NRP1: variants seen among roughly 807,000 people sequenced by gnomAD.
The protein encoded by NRP1 is neuropilin-1.
NRP1 carries 35 observed loss-of-function variants against 106.7 expected under a neutral mutation model. That is an observed-to-expected ratio of 0.33 (90% CI 0.25 to 0.43). NRP1 has a LOEUF of 0.43. NRP1 is among the 20% of genes least tolerant of loss of function. The pLI, the probability that NRP1 is intolerant of heterozygous loss-of-function variation, is 1.00. For missense variants in NRP1, 1,024 were observed against 1,170.4 expected, an observed-to-expected ratio of 0.87 and a Z score of 1.83; for synonymous variants, 437 against 417.9, an observed-to-expected ratio of 1.05 and a Z score of -0.56.
intron 2 of NRP1, among the ~76,000 whole-genome samples, chr10:33,314,062 C>T (rs1369410150): frequency 6.3e-5 from 6 of 94,832 alleles, no homozygotes; most frequent in African/African-American, 1.3e-4. Context: ...TTCTATTCCT[C>T]CCTCCCTCCC....
chr10:33,278,787 C>G (rs1423903540), intron 2 of NRP1, among the ~76,000 whole-genome samples: 1 of 152,116 alleles, frequency 6.6e-6, no homozygotes, highest in Non-Finnish European at 1.5e-5. Context: ...CAAAGCTAAT[C>G]TCACACATTA....
intron 3 of NRP1, among the ~76,000 whole-genome samples, chr10:33,266,371 C>T (rs892411171): frequency 2.6e-5 from 4 of 152,140 alleles, no homozygotes; most frequent in Admixed American, 6.5e-5. Context: ...TTCACTCACC[C>T]GCTGTGTAAA....
At position 33,179,818 on chromosome 10, in the gene NRP1, T is replaced by A; in HGVS notation, c.*258A>T. ...GGGTCGAAATGAATGATTATGTCAATCATACTTGGTCTCAACACCAGCATC... is the reference window on the plus strand; with the variant it reads ...GGGTCGAAATGAATGATTATGTCAAACATACTTGGTCTCAACACCAGCATC... On this transcript the variant is annotated 3_prime_UTR_variant, in exon 17 of 17. Transcript: ENST00000374867. The A allele has an allele frequency of 2.1e-6, 1 of 473,432 alleles. No individual in the cohort carries two copies. 29.3% of individuals were successfully genotyped at this position (473,432 alleles called of 1,614,324 possible). A position where few individuals can be genotyped will look rare whatever the true frequency, so the allele number is the denominator to read the frequency against.
chr10:33,322,211 T>C (rs1362019797), intron 2 of NRP1, among the ~76,000 whole-genome samples: 1 of 152,120 alleles, frequency 6.6e-6, no homozygotes, highest in Admixed American at 6.6e-5. Context: ...CTTTTACCAA[T>C]TGAACAGATC....
chr10:33,213,070 GT>G (rs919074692), intron 9 of NRP1: 2 of 631,192 alleles, frequency 3.2e-6, no homozygotes, highest in African/African-American at 3.7e-5. Context: ...TCTGCAAGGG[GT>G]TCTGAGCGCT....
At chr10:33,245,535 C>CA (rs770179814) in intron 6 of NRP1, among the ~76,000 whole-genome samples, 3 of 152,202 alleles carry the variant, frequency 2.0e-5, no homozygotes, top group Non-Finnish European at 4.4e-5. Flanking sequence ...TGCCAGTCAG[C>CA]AAATAAGTAG....
At chr10:33,277,486 C>G (rs1843790841) in intron 2 of NRP1, among the ~76,000 whole-genome samples, 1 of 152,038 alleles carries the variant, frequency 6.6e-6, no homozygotes, top group South Asian at 2.1e-4. Flanking sequence ...TGACCACCAC[C>G]AGCGCTGCCA....
At chr10:33,194,725 CT>C in intron 12 of NRP1, 1 of 526,380 alleles carries the variant, frequency 1.9e-6, no homozygotes, top group Admixed American at 2.0e-5. Flanking sequence ...AGATCAATGC[CT>C]TTTGTTGGGG....
chr10:33,268,489 A>G lies in NRP1; in HGVS notation c.430+2186T>C, dbSNP rs867894403. On this transcript the variant is annotated intron_variant, in intron 3 of 16. Coordinates refer to ENST00000374867, the MANE Select transcript of NRP1 (RefSeq NM_003873.7). ...ACAAAAGAAGACTTCAAGTCTGAAG[A>G]ATGGGCTTGGAGAGCAGGATAGGAA... Among the ~76,000 whole-genome samples, 12 of 152,332 alleles carry G rather than the reference A, an allele frequency of 7.9e-5. No homozygotes were observed. The South Asian group carries it at 1.7e-3, about 21-fold the overall frequency.
In NRP1 at chr10:33,213,467, G is replaced by C. The variant is rs1402043333; in HGVS notation, c.1533C>G (p.Phe511Leu). 1.2e-6 allele frequency: 2 copies of C among 1,613,950 alleles called. No individual in the cohort carries two copies. The highest frequency in any genetic ancestry group is 8.5e-7 in the Non-Finnish European group (1 of 1,180,008). The change falls in exon 9 of 17, where the codon TTC (phenylalanine) becomes TTG (leucine). Residue 511 changes from phenylalanine to leucine, a missense_variant. By Grantham distance (22) the Phe-to-Leu change is conservative (BLOSUM62 0). This residue lies in a region of NRP1 where 562 missense variants were observed against 620.3 expected (regional missense o/e 0.91). Transcript: ENST00000374867. ...TGTACCCGATCTTGAACTTCCTCAT[G>C]AACACCTTGTTCTCTCGGTGCTTCC... ...QGGKHRENKV[F>L]MRKFKIGYSN...
chr10:33,247,833 T>G (rs1344585222), intron 6 of NRP1, among the ~76,000 whole-genome samples: 1 of 152,144 alleles, frequency 6.6e-6, no homozygotes, highest in African/African-American at 2.4e-5. Context: ...CCACGTCCAT[T>G]GTGTAAGACC....
At position 33,221,789 on chromosome 10, in the gene NRP1, G is replaced by A; in HGVS notation, c.1212C>T (p.Val404=). 1 of 1,614,070 alleles carries A rather than the reference G, an allele frequency of 6.2e-7. No individual in the cohort carries two copies. The highest frequency in any genetic ancestry group is 1.3e-5 in the African/African-American group (1 of 75,036). ...TTTCCCAAGTTGCAGGCTTGATTCG[G>A]ACAAATCGAGTTATCAGTGGTTTGG... ...VFPKPLITRF[V]RIKPATWETG... The change falls in exon 8 of 17, where the codon GTC becomes GTT. Residue 404 remains valine, a synonymous_variant. Transcript: ENST00000374867.
chr10:33,247,765 C>T (rs903167290), intron 6 of NRP1, among the ~76,000 whole-genome samples: 50 of 152,168 alleles, frequency 3.3e-4, no homozygotes, highest in African/African-American at 1.2e-3. Flanking sequence ...GCGCTGGCCA[C>T]GGTTTGACTT....
rs1052865453 is a variant in NRP1 at position 33,276,265 on chromosome 10, AAACAAC to A, written c.249-5415_249-5410del. On this transcript the variant is annotated intron_variant, in intron 2 of 16. Transcript: ENST00000374867. The stretch of plus-strand genomic sequence containing the variant: ...TTGCCTTATTTTCCATTTGTTGATA[AAACAAC>A]AACAACAACAACACTATCTTGGAAG... Among the ~76,000 whole-genome samples the A allele has an allele frequency of 3.9e-5, 6 of 152,270 alleles. No individual in the cohort carries two copies. In the East Asian group the frequency reaches 1.2e-3, roughly 29 times the overall value.
chr10:33,244,948 A>G lies in NRP1; in HGVS notation c.981+9080T>C, dbSNP rs544443551. ...AGTGCATTTTGAGACCCAATTGTACAGGCTTCTAAAATAACATCTGTATTT... is the reference window on the plus strand; with the variant it reads ...AGTGCATTTTGAGACCCAATTGTACGGGCTTCTAAAATAACATCTGTATTT... On this transcript the variant is annotated intron_variant, in intron 6 of 16. Transcript: ENST00000374867. 1.2e-4 allele frequency among the ~76,000 whole-genome samples: 18 copies of G among 152,352 alleles called. No homozygotes were observed. In the South Asian group the frequency reaches 2.9e-3, roughly 25 times the overall value.
At position 33,321,036 on chromosome 10, in the gene NRP1, G is replaced by C. The variant is rs1847466084; in HGVS notation, c.248+9672C>G. On this transcript the variant is annotated intron_variant, in intron 2 of 16. Coordinates refer to ENST00000374867, the MANE Select transcript of NRP1 (RefSeq NM_003873.7). ...GAGTCTCGCTGTGATGTCCCGGCTA[G>C]AGTGCAATGGCCTGATCTTGGCTCA... Among the ~76,000 whole-genome samples, 4 of 152,180 alleles carry C rather than the reference G, an allele frequency of 2.6e-5. No homozygotes were observed. The South Asian group carries it at 8.3e-4, about 32-fold the overall frequency.
In NRP1 at chr10:33,180,032, C is replaced by T. The variant is rs751216542; in HGVS notation, c.*44G>A. ...AACAGCTCCCCAGCTCACTCCCGTCCTTCCACTTCCGTCCTTTGACTGTCT... is the reference window on the plus strand; with the variant it reads ...AACAGCTCCCCAGCTCACTCCCGTCTTTCCACTTCCGTCCTTTGACTGTCT... On this transcript the variant is annotated 3_prime_UTR_variant, in exon 17 of 17. Transcript: ENST00000374867. The T allele has an allele frequency of 4.4e-6, 7 of 1,589,024 alleles. No homozygotes were observed. Among genetic ancestry groups the T allele is most frequent in the East Asian group, 2.2e-5 (1 of 44,734 alleles).
Position 33,254,096 on chromosome 10 carries a change from G to A in NRP1, c.913C>T (p.Arg305Cys), listed in dbSNP as rs774889924. ...TTCTCAGGGTAGTTCAGGCGGGAGC[G>A]CTCTGCAGACCAGTTGGTGCTATAC... ...SQYSTNWSAE[R>C]SRLNYPENGW... The change falls in exon 6 of 17, where the codon CGC (arginine) becomes TGC (cysteine). Residue 305 changes from arginine (R) to cysteine (C), a missense_variant. Around this residue, in one of 5 missense-constraint regions of NRP1, gnomAD observed 562 missense variants for 620.3 expected, o/e 0.91. Coordinates refer to ENST00000374867, the MANE Select transcript of NRP1 (RefSeq NM_003873.7). 8 of 1,613,908 alleles carry A rather than the reference G, an allele frequency of 5.0e-6. No homozygotes were observed. Among genetic ancestry groups the A allele is most frequent in the Middle Eastern group, 1.7e-4 (1 of 5,990 alleles).
At chr10:33,298,612 C>T (rs1845582684) in intron 2 of NRP1, among the ~76,000 whole-genome samples, 1 of 152,184 alleles carries the variant, frequency 6.6e-6, no homozygotes, top group South Asian at 2.1e-4. Flanking sequence ...TCTGGCCAGG[C>T]ATCGTCCTTG....
Sources: gnomAD v4.1 joint callset for allele counts (sites outside exome capture counted in the v4.1 genomes callset) on GRCh38, gnomAD v4.1.1 for gene constraint, gnomAD v4.1.1 regional missense constraint, MANE v1.5 for transcripts, NCBI Gene and HGNC (gene_info 2026-07-23, HGNC 2026-07-21) for gene names.